RDM1: variants seen among roughly 807,000 people sequenced by gnomAD.
RDM1 encodes RAD52 motif-containing protein 1.
A neutral mutation model predicts 27.7 loss-of-function variants in RDM1; 28 were observed. The ratio of observed to expected loss-of-function variants is 1.01; its 90% CI spans 0.75 to 1.39. The LOEUF (loss-of-function observed/expected upper bound fraction) is 1.39, where lower values mean the gene tolerates loss of function less well. Ranked by LOEUF, RDM1 falls within the 40% of genes most tolerant of loss-of-function variation. The pLI is 0.00. For missense variants in RDM1, 277 were observed against 337.3 expected (o/e 0.82, Z 1.40); for synonymous variants, 124 against 127.5 (o/e 0.97, Z 0.19).
chr17:35,923,961 C>T (rs2089044054), intron 4 of RDM1, among the ~76,000 whole-genome samples: 1 of 151,898 alleles, frequency 6.6e-6, no homozygotes, highest in African/African-American at 2.4e-5. Context: ...TGCCTATAAC[C>T]CCAGCAACTT....
chr17:35,923,838 A>C (rs1598669842), intron 4 of RDM1, among the ~76,000 whole-genome samples: 2 of 152,280 alleles, frequency 1.3e-5, no homozygotes, highest in East Asian at 3.9e-4. Flanking sequence ...CTTTCTAGGT[A>C]TCTATATTAG....
chr17:35,927,168 C>T (rs961401841), intron 2 of RDM1, among the ~76,000 whole-genome samples: 28 of 150,572 alleles, frequency 1.9e-4, no homozygotes, highest in African/African-American at 6.4e-4. Context: ...TGGCCGGGCA[C>T]GGTGGCTCAC....
chr17:35,920,169 GT>G lies in RDM1; in HGVS notation c.753+17del. On this transcript the variant is annotated intron_variant, in intron 6 of 6. Transcript: ENST00000620284. Reference sequence around the variant, plus strand: ...GTTACACTGGCTATGTTACCCCTGAGTTTTTATCTTCACATACTTGAATTAA... The same window carrying G: ...GTTACACTGGCTATGTTACCCCTGAGTTTTATCTTCACATACTTGAATTAA... The G allele has an allele frequency of 7.4e-7, 1 of 1,349,892 alleles. No individual in the cohort carries two copies. Among genetic ancestry groups the G allele is most frequent in the Non-Finnish European group, 1.0e-6 (1 of 957,208 alleles). The allele number at this position is 1,349,892 out of a possible 1,614,324, so 83.6% of individuals were successfully genotyped here.
chr17:35,930,194 T>C lies in RDM1; in HGVS notation c.158A>G (p.Asn53Ser), dbSNP rs1484128265. The C allele has an allele frequency of 6.2e-7, 1 of 1,614,118 alleles. No homozygotes were observed. The highest frequency in any genetic ancestry group is 1.7e-5 in the Admixed American group (1 of 60,018). Residue 53 changes from asparagine to serine, a missense_variant, in exon 2 of 7, where the codon AAT becomes AGT. Physicochemically the swap from Asn to Ser is conservative, Grantham distance 46 (BLOSUM62 1). Coordinates refer to ENST00000620284, the MANE Select transcript of RDM1 (RefSeq NM_145654.4). The part of the protein sequence containing the change: ...GLLYSVRVFP[N>S]AAVAHPGFYA... Reference sequence around the variant, plus strand: ...GAAACCAGGATGGGCCACTGCAGCATTTGGGAAGACCCGGACTGAATACAG... The same window carrying C: ...GAAACCAGGATGGGCCACTGCAGCACTTGGGAAGACCCGGACTGAATACAG...
At chr17:35,930,365 C>T in intron 1 of RDM1, 110 bp from the exon 2 acceptor site, 5 of 1,394,400 alleles carry the variant, frequency 3.6e-6, no homozygotes, top group South Asian at 1.2e-5. Context: ...ATTCAAAACA[C>T]TTCCCACTTA....
intron 4 of RDM1, among the ~76,000 whole-genome samples, chr17:35,922,930 C>T (rs2088997931): frequency 6.6e-6 from 1 of 152,132 alleles, no homozygotes; most frequent in Admixed American, 6.5e-5. Flanking sequence ...ACATGTCTCA[C>T]ATCACCCAGA....
chr17:35,930,358 C>T (rs2089286866), intron 1 of RDM1, 103 bp from the exon 2 acceptor site: 1 of 1,436,788 alleles, frequency 7.0e-7, no homozygotes. Flanking sequence ...GGATGCGATT[C>T]AAAACACTTC....
At chr17:35,930,583 C>T in intron 1 of RDM1, 49 bp downstream of exon 1, 3 of 1,543,100 alleles carry the variant, frequency 1.9e-6, no homozygotes, top group Non-Finnish European at 2.7e-6. Flanking sequence ...TCCCAGTCAG[C>T]GGGTGGGCAG....
In RDM1 at chr17:35,918,186, C is replaced by A. The variant is rs1159611746; in HGVS notation, c.*156G>T. On this transcript the variant is annotated 3_prime_UTR_variant, in exon 7 of 7. Coordinates refer to ENST00000620284, the MANE Select transcript of RDM1 (RefSeq NM_145654.4). ...AGCCTCCCTTCCCACTCCACCAGAA[C>A]ACCCCTTCCCTCCCCTTCGCCAGGA... 4 of 635,462 alleles carry A rather than the reference C, an allele frequency of 6.3e-6. No individual in the cohort carries two copies. Among genetic ancestry groups the A allele is most frequent in the Non-Finnish European group, 1.1e-5 (4 of 355,030 alleles). The allele number at this position is 635,462 out of a possible 1,614,324, so 39.4% of individuals were successfully genotyped here.
At chr17:35,927,263 A>T (rs2089186297) in intron 2 of RDM1, among the ~76,000 whole-genome samples, 1 of 152,150 alleles carries the variant, frequency 6.6e-6, no homozygotes, top group African/African-American at 2.4e-5. Context: ...AACATGGAGA[A>T]ATCTTGTTTC....
chr17:35,924,854 G>C, intron 3 of RDM1, 82 bp from the exon 4 acceptor site: 1 of 1,430,890 alleles, frequency 7.0e-7, no homozygotes, highest in East Asian at 2.3e-5. Flanking sequence ...GTAAAAACTT[G>C]GCTGGGCGTG....
Position 35,930,140 on chromosome 17 carries a change from C to G in RDM1, c.212G>C (p.Arg71Thr), listed in dbSNP as rs1302172928. 2 of 1,614,168 alleles carry G rather than the reference C, an allele frequency of 1.2e-6. No homozygotes were observed. The highest frequency in any genetic ancestry group is 1.7e-6 in the Non-Finnish European group (2 of 1,180,026). Reference sequence around the variant, plus strand: ...TGCCTTTTGGGCTCTGTGGGCAGCCCTTGCAGAATAAAACTTAATGACGGC... The same window carrying G: ...TGCCTTTTGGGCTCTGTGGGCAGCCGTTGCAGAATAAAACTTAATGACGGC... ...FYAVIKFYSA[R>T]AAHRAQKACD... The change falls in exon 2 of 7, where the codon AGG becomes ACG. Residue 71 changes from arginine to threonine, a missense_variant. Transcript: ENST00000620284.
intron 2 of RDM1, among the ~76,000 whole-genome samples, chr17:35,928,367 G>A (rs2089219915): frequency 6.6e-6 from 1 of 152,186 alleles, no homozygotes; most frequent in Admixed American, 6.5e-5. Context: ...TGTGAGCCAT[G>A]GTGAGTATGA....
intron 1 of RDM1, 46 bp downstream of exon 1, chr17:35,930,586 G>T (rs765911906): frequency 3.2e-6 from 5 of 1,562,356 alleles, no homozygotes; most frequent in Non-Finnish European, 1.7e-6. Context: ...CAGTCAGCGG[G>T]TGGGCAGCTT....
At chr17:35,928,152 C>T (rs2089211706) in intron 2 of RDM1, among the ~76,000 whole-genome samples, 1 of 152,106 alleles carries the variant, frequency 6.6e-6, no homozygotes, top group Non-Finnish European at 1.5e-5. Context: ...TAGTAGGAAG[C>T]AGTCAGATCA....
chr17:35,927,779 C>T (rs1479590408), intron 2 of RDM1, among the ~76,000 whole-genome samples: 1 of 151,946 alleles, frequency 6.6e-6, no homozygotes, highest in Non-Finnish European at 1.5e-5. Flanking sequence ...TTCTCAAAAC[C>T]TAAAGCTTAT....
At position 35,930,747 on chromosome 17, in the gene RDM1, C is replaced by G; in HGVS notation, c.-20G>C. 1.2e-6 allele frequency: 2 copies of G among 1,610,244 alleles called. No homozygotes were observed. Among genetic ancestry groups the G allele is most frequent in the Non-Finnish European group, 1.7e-6 (2 of 1,178,014 alleles). On this transcript the variant is annotated 5_prime_UTR_variant, in exon 1 of 7. Coordinates refer to ENST00000620284, the MANE Select transcript of RDM1 (RefSeq NM_145654.4). ...CGCCATCCTCCCTTCACCGCACCTG[C>G]GCGGCTAACCCTCGCCCCAGCATTG...
At chr17:35,930,308 C>G in intron 1 of RDM1, 53 bp from the exon 2 acceptor site, 1 of 1,610,094 alleles carries the variant, frequency 6.2e-7, no homozygotes, top group Middle Eastern at 1.7e-4. Context: ...GAAAACAAAA[C>G]CGCACATGCC....
chr17:35,930,501 G>T (rs2089290420), intron 1 of RDM1, 131 bp downstream of exon 1: 2 of 951,080 alleles, frequency 2.1e-6, no homozygotes, highest in Non-Finnish European at 3.1e-6. Flanking sequence ...TGTCAGTTGG[G>T]ATCCCCTTTA....
Sources: allele counts gnomAD v4.1 joint callset (sites outside exome capture counted in the v4.1 genomes callset), GRCh38; gene constraint gnomAD v4.1.1; transcripts MANE v1.5; gene names NCBI Gene and HGNC (gene_info 2026-07-23, HGNC 2026-07-21).